The following GAB1 variants were observed in gnomAD, a reference collection of about 807,000 sequenced individuals.
GAB1 encodes GRB2-associated-binding protein 1.
Under a neutral mutation model 66.5 loss-of-function variants are expected in GAB1, and 19 were observed. That is an observed-to-expected ratio of 0.29 (90% CI 0.20 to 0.42). GAB1 has a LOEUF of 0.42. Ranked by LOEUF, GAB1 falls within the 10% of genes least tolerant of loss-of-function variation. The pLI, the probability that GAB1 is intolerant of heterozygous loss-of-function variation, is 1.00. For synonymous variants in GAB1, 294 were observed against 301.4 expected, an observed-to-expected ratio of 0.98 and a Z score of 0.25; for missense variants, 732 against 858.5, an observed-to-expected ratio of 0.85 and a Z score of 1.84.
chr4:143,466,450 G>T (rs1047597690), intron 9 of GAB1, among the ~76,000 whole-genome samples: 6 of 133,300 alleles, frequency 4.5e-5, no homozygotes, highest in Non-Finnish European at 9.9e-5. Context: ...TTTTTTAGTG[G>T]TTACCATTGA....
At chr4:143,370,504 A>T (rs1730073856) in intron 1 of GAB1, among the ~76,000 whole-genome samples, 1 of 152,174 alleles carries the variant, frequency 6.6e-6, no homozygotes, top group African/African-American at 2.4e-5. Context: ...TCCTGTGCAG[A>T]TGTTATAGTG....
intron 3 of GAB1, chr4:143,434,124 A>T: frequency 7.0e-6 from 9 of 1,292,364 alleles, no homozygotes; most frequent in Non-Finnish European, 9.1e-6. Flanking sequence ...AAGGAGAGGA[A>T]TACCTTCTAC....
intron 1 of GAB1, among the ~76,000 whole-genome samples, chr4:143,385,648 T>C (rs948318368): frequency 2.6e-5 from 4 of 152,114 alleles, no homozygotes; most frequent in African/African-American, 9.7e-5. Context: ...ATCTACAAGT[T>C]GTACAGATCA....
rs750584394 is a variant in GAB1, at chr4:143,459,439, C to T, written c.1640C>T (p.Ala547Val). 1 of 1,608,514 alleles carries T rather than the reference C, an allele frequency of 6.2e-7. No homozygotes were observed. The highest frequency in any genetic ancestry group is 8.5e-7 in the Non-Finnish European group (1 of 1,175,086). ...KPLPEWEELQ[A>V]PVRSPITRSF... ...TTGCCAGAATGGGAAGAATTACAAGCCCCAGTTAGATCTCCCATCACTAGG... is the reference window on the plus strand; with the variant it reads ...TTGCCAGAATGGGAAGAATTACAAGTCCCAGTTAGATCTCCCATCACTAGG... The change falls in exon 7 of 10, where the codon GCC (alanine) becomes GTC (valine). Residue 547 changes from alanine to valine, a missense_variant. By Grantham distance (64) the Ala-to-Val change is moderately conservative (BLOSUM62 0). Around this residue, in one of 4 missense-constraint regions of GAB1, gnomAD observed 204 missense variants for 276.8 expected, o/e 0.74. Coordinates refer to ENST00000262994, the MANE Select transcript of GAB1 (RefSeq NM_002039.4).
Position 143,470,837 on chromosome 4 carries a change from C to T in GAB1, c.*1648C>T, listed in dbSNP as rs766374740. 8.5e-5 allele frequency: 13 copies of T among 152,174 alleles called. No individual in the cohort carries two copies. The highest frequency in any genetic ancestry group is 1.9e-4 in the East Asian group (1 of 5,198). 9.4% of individuals were successfully genotyped at this position (152,174 alleles called of 1,614,324 possible). A position where few individuals can be genotyped will look rare whatever the true frequency, so the allele number is the denominator to read the frequency against. ...ATGTAATAGGTTTATTTTCCCAATC[C>T]TCAAACTAAAAATGTTCATAACAAG... On this transcript the variant is annotated 3_prime_UTR_variant, in exon 10 of 10. Transcript: ENST00000262994.
chr4:143,440,971 A>G (rs1560773185), intron 6 of GAB1, among the ~76,000 whole-genome samples: 2 of 152,328 alleles, frequency 1.3e-5, no homozygotes, highest in Non-Finnish European at 2.9e-5. Context: ...TTATTAATGT[A>G]TTTGACATAA....
intron 1 of GAB1, chr4:143,350,162 T>G (rs993357095): frequency 1.7e-5 from 13 of 744,244 alleles, no homozygotes; most frequent in Non-Finnish European, 2.7e-5. Context: ...AAGAAAATAT[T>G]AAGACACTTT....
intron 2 of GAB1, among the ~76,000 whole-genome samples, chr4:143,426,590 T>C (rs937298764): frequency 1.3e-5 from 2 of 152,018 alleles, no homozygotes; most frequent in Non-Finnish European, 2.9e-5. Context: ...GCTCAGTGAG[T>C]GTCTGCCCTG....
At chr4:143,448,417 GTC>G (rs1734692838) in intron 6 of GAB1, among the ~76,000 whole-genome samples, 1 of 151,744 alleles carries the variant, frequency 6.6e-6, no homozygotes, top group Non-Finnish European at 1.5e-5. Context: ...AATCCATCTG[GTC>G]CTGGACTCTT....
intron 9 of GAB1, among the ~76,000 whole-genome samples, chr4:143,466,480 CTTTTTTTTTTT>C (rs776557170): frequency 1.0e-4 from 7 of 67,262 alleles, no homozygotes; most frequent in East Asian, 4.4e-4. Context: ...TTAACAAATT[CTTTTTTTTTTT>C]TTTTTTTTTT....
At position 143,368,621 on chromosome 4, in the gene GAB1, A is replaced by C. The variant is rs80146199; in HGVS notation, c.72+31361A>C. 2.7e-3 allele frequency among the ~76,000 whole-genome samples: 415 copies of C among 152,168 alleles called. 3 individuals are homozygous for C. Among genetic ancestry groups the C allele is most frequent in the African/African-American group, 9.6e-3 (397 of 41,506 alleles). ...GGAGATTTTTCTTCATATTTTATAG[A>C]GTTCTTCAGATTTTTTCCTCTTTGC... On this transcript the variant is annotated intron_variant, in intron 1 of 9. Coordinates refer to ENST00000262994, the MANE Select transcript of GAB1 (RefSeq NM_002039.4).
At chr4:143,375,095 C>T (rs370550076) in intron 1 of GAB1, among the ~76,000 whole-genome samples, 1 of 152,154 alleles carries the variant, frequency 6.6e-6, no homozygotes, top group Non-Finnish European at 1.5e-5. Context: ...TTATAGGTGC[C>T]CGCCACAACG....
chr4:143,460,592 G>A, intron 8 of GAB1, 105 bp downstream of exon 8: 9 of 984,840 alleles, frequency 9.1e-6, no homozygotes, highest in East Asian at 2.6e-5. Context: ...ATATACTTAA[G>A]AAAAAGCAGT....
At chr4:143,339,326 C>T (rs955099152) in intron 1 of GAB1, among the ~76,000 whole-genome samples, 2 of 152,386 alleles carry the variant, frequency 1.3e-5, no homozygotes, top group Admixed American at 6.5e-5. Flanking sequence ...GCCTGGCCAA[C>T]ATGGCGAAAC....
chr4:143,397,636 C>G (rs1731517968), intron 1 of GAB1, among the ~76,000 whole-genome samples: 2 of 152,044 alleles, frequency 1.3e-5, no homozygotes, highest in Admixed American at 1.3e-4. Flanking sequence ...TTTAAGAAAA[C>G]AAATTATTTG....
intron 8 of GAB1, 53 bp downstream of exon 8, chr4:143,460,540 A>T (rs1184735411): frequency 5.8e-6 from 9 of 1,562,168 alleles, no homozygotes; most frequent in Non-Finnish European, 7.9e-6. Flanking sequence ...CAGTCATTCA[A>T]GCTAGAACTG....
chr4:143,415,119 C>T lies in GAB1; in HGVS notation c.73-358C>T, dbSNP rs142836259. ...GGCTTATTTCACTTAGCATAATGTC[C>T]AGCTTCATTCTTTTGCGTATGGATT... On this transcript the variant is annotated intron_variant, in intron 1 of 9. Coordinates refer to ENST00000262994, the MANE Select transcript of GAB1 (RefSeq NM_002039.4). Among the ~76,000 whole-genome samples the T allele has an allele frequency of 3.5e-4, 54 of 152,280 alleles. No homozygotes were observed. The East Asian group carries it at 9.5e-3, about 27-fold the overall frequency.
chr4:143,426,352 C>G (rs575312748), intron 2 of GAB1, among the ~76,000 whole-genome samples: 44 of 152,096 alleles, frequency 2.9e-4, no homozygotes, highest in Non-Finnish European at 4.0e-4. Context: ...GAGTTTGAGA[C>G]CAGCCTGGGC....
At chr4:143,346,141 C>T (rs1319775519) in intron 1 of GAB1, among the ~76,000 whole-genome samples, 3 of 152,226 alleles carry the variant, frequency 2.0e-5, no homozygotes, top group African/African-American at 7.2e-5. Flanking sequence ...TAAGCCTAGA[C>T]ATCAAAAATC....
Sources: allele counts gnomAD v4.1 joint callset (sites outside exome capture counted in the v4.1 genomes callset), GRCh38; gene constraint gnomAD v4.1.1; regional missense constraint gnomAD v4.1.1; transcripts MANE v1.5; gene names NCBI Gene and HGNC (gene_info 2026-07-23, HGNC 2026-07-21).